DNAH1: variants seen among roughly 807,000 people sequenced by gnomAD.
DNAH1 encodes dynein axonemal heavy chain 1.
In DNAH1, 327 loss-of-function variants were observed where a neutral mutation model predicts 484.3. That is an observed-to-expected ratio of 0.68 (90% CI 0.62 to 0.74). DNAH1 has a LOEUF of 0.74. DNAH1 is among the 30% of genes least tolerant of loss of function. The pLI is 0.00. For synonymous variants in DNAH1, 2,192 were observed against 2,191.9 expected (o/e 1.00, Z 0.00); for missense variants, 5,052 against 5,546.8 (o/e 0.91, Z 2.83).
At chr3:52,346,307 C>T (rs1702138581) in intron 10 of DNAH1, among the ~76,000 whole-genome samples, 165 bp from the exon 11 acceptor site, 1 of 152,196 alleles carries the variant, frequency 6.6e-6, no homozygotes. Context: ...TCACATGAGG[C>T]TGTTGGTTGG....
In DNAH1 at chr3:52,352,547, T is replaced by C. The variant is rs771276529; in HGVS notation, c.2872-5T>C. ...GCATCTGACCCATTGCTCCTTGGCC[T>C]GCAGCTGGTAGTAGCTGGCTTCTCC... On this transcript the variant is annotated splice_region_variant and splice_polypyrimidine_tract_variant and intron_variant, in intron 17 of 77. Coordinates refer to ENST00000420323, the MANE Select transcript of DNAH1 (RefSeq NM_015512.5). 1.6e-5 allele frequency: 26 copies of C among 1,606,838 alleles called. No homozygotes were observed. Among genetic ancestry groups the C allele is most frequent in the Admixed American group, 5.0e-5 (3 of 59,812 alleles).
intron 50 of DNAH1, 133 bp downstream of exon 50, chr3:52,382,588 G>A (rs1703904137): frequency 7.1e-7 from 1 of 1,418,230 alleles, no homozygotes; most frequent in African/African-American, 1.4e-5. Context: ...AGACCACCAG[G>A]ACCAGGTGGG....
At position 52,394,674 on chromosome 3, in the gene DNAH1, C is replaced by A; in HGVS notation, c.10823+13C>A. The A allele has an allele frequency of 6.4e-7, 1 of 1,556,382 alleles. No homozygotes were observed. The highest frequency in any genetic ancestry group is 8.7e-7 in the Non-Finnish European group (1 of 1,147,620). ...TTGAGCCCCACCGGTTAGCTGGGCCCCAGAATATGGCAGGATGAGCCCATC... is the reference window on the plus strand; with the variant it reads ...TTGAGCCCCACCGGTTAGCTGGGCCACAGAATATGGCAGGATGAGCCCATC... On this transcript the variant is annotated intron_variant, in intron 67 of 77. Transcript: ENST00000420323.
At chr3:52,399,487 C>T (rs1704805774) in intron 76 of DNAH1, 58 bp from the exon 77 acceptor site, 5 of 1,472,602 alleles carry the variant, frequency 3.4e-6, no homozygotes, top group African/African-American at 1.4e-5. Context: ...TTTTGTGCCT[C>T]CTAACCCAGA....
chr3:52,359,422 A>T, intron 26 of DNAH1, 36 bp downstream of exon 26: 1 of 1,556,230 alleles, frequency 6.4e-7, no homozygotes, highest in East Asian at 2.4e-5. Context: ...GTCCCCCTCC[A>T]CCCCCTACAT....
At chr3:52,336,976 G>A (rs1239827808) in intron 8 of DNAH1, among the ~76,000 whole-genome samples, 1 of 152,174 alleles carries the variant, frequency 6.6e-6, no homozygotes, top group Non-Finnish European at 1.5e-5. Context: ...AAATGACTTG[G>A]TAGTTTGATG....
chr3:52,329,602 C>T (rs1039445010), intron 6 of DNAH1, among the ~76,000 whole-genome samples: 5 of 151,976 alleles, frequency 3.3e-5, no homozygotes, highest in East Asian at 1.9e-4. Context: ...CCAAGGCAGG[C>T]GGATCATGAG....
At chr3:52,388,677 G>A (rs1316692846) in intron 58 of DNAH1, 68 bp downstream of exon 58, 1 of 1,608,462 alleles carries the variant, frequency 6.2e-7, no homozygotes. Context: ...AAGGACCAGG[G>A]CGCCGGTGGG....
upstream of DNAH1, among the ~76,000 whole-genome samples, chr3:52,311,864 G>C (rs1353517405): frequency 6.6e-6 from 1 of 152,194 alleles, no homozygotes; most frequent in Non-Finnish European, 1.5e-5. Context: ...CCCCCCTCCT[G>C]CTCTGGGCCC....
chr3:52,361,530 T>C lies in DNAH1; in HGVS notation c.4875-131T>C. On this transcript the variant is annotated intron_variant, in intron 29 of 77. Transcript: ENST00000420323. The surrounding 1 kb of genome is among the most constrained non-coding windows in gnomAD (Gnocchi z 5.6). ...ATTGGGGTGGGGAGTGGCAGTGGGT[T>C]GAAGACTGAGCTGATGGAGATTGCC... is the stretch of plus-strand genomic sequence containing the variant. The C allele has an allele frequency of 8.0e-7, 1 of 1,253,156 alleles. No homozygotes were observed. The highest frequency in any genetic ancestry group is 2.0e-4 in the Middle Eastern group (1 of 5,080). 77.6% of individuals were successfully genotyped at this position (1,253,156 alleles called of 1,614,324 possible).
rs746424846 is a variant in DNAH1, at chr3:52,362,977, G to A, written c.5095-18G>A. The A allele has an allele frequency of 1.2e-6, 2 of 1,613,526 alleles. No homozygotes were observed. Among genetic ancestry groups the A allele is most frequent in the East Asian group, 2.2e-5 (1 of 44,850 alleles). On this transcript the variant is annotated intron_variant, in intron 31 of 77. Transcript: ENST00000420323. This position sits in a 1 kb window ranked among gnomAD's most constrained non-coding sequence, Gnocchi z 5.1. ...GGTGAGCTCTGTTTGCTGTTCACATGTGCACTGTGTGTCCCAGGCGCTCTT... is the reference window on the plus strand; with the variant it reads ...GGTGAGCTCTGTTTGCTGTTCACATATGCACTGTGTGTCCCAGGCGCTCTT...
At chr3:52,312,373 C>T (rs1303855815), upstream of DNAH1, among the ~76,000 whole-genome samples, 4 of 152,036 alleles carry the variant, frequency 2.6e-5, no homozygotes, top group Non-Finnish European at 5.9e-5. Context: ...TGAGTCCTTA[C>T]TGTACACTTC....
At position 52,384,954 on chromosome 3, in the gene DNAH1, C is replaced by G. The variant is rs558159006; in HGVS notation, c.8491C>G (p.Arg2831Gly). ...KKLELKTAKN[R>G]MKSGLDKLLR... ...ACTGGAGCTGAAAACTGCCAAGAAC[C>G]GCATGAAGAGCGGCCTCGACAAGGT... is the stretch of plus-strand genomic sequence containing the variant. Residue 2831 changes from arginine (R) to glycine (G), a missense_variant, in exon 53 of 78, where the codon CGC becomes GGC. By Grantham distance (125) the Arg-to-Gly change is moderately radical. Around this residue, in one of 4 missense-constraint regions of DNAH1, gnomAD observed 2,929 missense variants for 3,409.4 expected, o/e 0.86. Coordinates refer to ENST00000420323, the MANE Select transcript of DNAH1 (RefSeq NM_015512.5). 1 of 1,613,392 alleles carries G rather than the reference C, an allele frequency of 6.2e-7. No individual in the cohort carries two copies. Among genetic ancestry groups the G allele is most frequent in the Non-Finnish European group, 8.5e-7 (1 of 1,179,654 alleles).
Position 52,381,663 on chromosome 3 carries a change from C to T in DNAH1, c.7632C>T (p.Tyr2544=). 6.2e-7 allele frequency: 1 copy of T among 1,608,022 alleles called. No homozygotes were observed. Among genetic ancestry groups the T allele is most frequent in the Non-Finnish European group, 8.5e-7 (1 of 1,177,508 alleles). The change falls in exon 49 of 78, where the codon TAC becomes TAT. Residue 2544 remains tyrosine, a synonymous_variant. Coordinates refer to ENST00000420323, the MANE Select transcript of DNAH1 (RefSeq NM_015512.5). The surrounding 1 kb of genome is among the most constrained non-coding windows in gnomAD (Gnocchi z 4.1). ...AGATGATGCAGGTGATAGAGGAGTA[C>T]ATAGAGGACTACAACCAGATCAACA... ...ESKMMQVIEE[Y]IEDYNQINTA...
intron 37 of DNAH1, 99 bp downstream of exon 37, chr3:52,369,017 C>A: frequency 7.3e-7 from 1 of 1,373,948 alleles, no homozygotes; most frequent in Non-Finnish European, 1.0e-6. Flanking sequence ...CCCTTTCTCT[C>A]AGGGCCATGG....
intron 62 of DNAH1, 31 bp downstream of exon 62, chr3:52,391,359 A>G: frequency 1.9e-6 from 3 of 1,597,672 alleles, no homozygotes; most frequent in Non-Finnish European, 2.6e-6. Context: ...GCAGGGTGGC[A>G]GTAGGCCTGG....
rs61734632 is a variant in DNAH1 at position 52,381,721 on chromosome 3, G to T, written c.7690G>T (p.Ala2564Ser). Residue 2564 changes from alanine (A) to serine (S), a missense_variant, in exon 49 of 78, where the codon GCC becomes TCC. Physicochemically the swap from Ala to Ser is moderately conservative, Grantham distance 99. Around this residue, in one of 4 missense-constraint regions of DNAH1, gnomAD observed 2,929 missense variants for 3,409.4 expected, o/e 0.86. Transcript: ENST00000420323. This position sits in a 1 kb window ranked among gnomAD's most constrained non-coding sequence, Gnocchi z 4.1. ...GCTGAAGCTGGTCCTCTTCATGGAC[G>T]CCATGAGCCACATCTGTCGCATCAG... The part of the protein sequence containing the change: ...AKLKLVLFMD[A>S]MSHICRISRT... 1 of 1,605,816 alleles carries T rather than the reference G, an allele frequency of 6.2e-7. No individual in the cohort carries two copies. The highest frequency in any genetic ancestry group is 8.5e-7 in the Non-Finnish European group (1 of 1,176,898).
In DNAH1 at chr3:52,344,648, G is replaced by A. The variant is rs1226330429; in HGVS notation, c.1444+1G>A. The A allele has an allele frequency of 1.2e-6, 2 of 1,612,036 alleles. No individual in the cohort carries two copies. The highest frequency in any genetic ancestry group is 1.1e-5 in the South Asian group (1 of 90,918). On this transcript the variant is annotated splice_donor_variant, in intron 9 of 77. Coordinates refer to ENST00000420323, the MANE Select transcript of DNAH1 (RefSeq NM_015512.5). LOFTEE classifies it high-confidence loss of function. Reference sequence around the variant, plus strand: ...GAGGAGGAGCAGGTGCCTGAGCGAGGTGAGGGTCACTGGACCAAGATGGGC... The same window carrying A: ...GAGGAGGAGCAGGTGCCTGAGCGAGATGAGGGTCACTGGACCAAGATGGGC...
intron 9 of DNAH1, among the ~76,000 whole-genome samples, chr3:52,345,191 T>C (rs1702094354): frequency 6.6e-6 from 1 of 152,182 alleles, no homozygotes; most frequent in African/African-American, 2.4e-5. Context: ...GACCTTAAGC[T>C]TGTGTGCAGC....
Sources: allele counts gnomAD v4.1 joint callset (sites outside exome capture counted in the v4.1 genomes callset), GRCh38; gene constraint gnomAD v4.1.1; regional missense constraint gnomAD v4.1.1; non-coding constraint Gnocchi (gnomAD v3.1); transcripts MANE v1.5; gene names NCBI Gene and HGNC (gene_info 2026-07-23, HGNC 2026-07-21).